Variants in CSMD1 observed in about 807,000 individuals in gnomAD.
The protein encoded by CSMD1 is CUB and sushi domain-containing protein 1.
In CSMD1, 213 loss-of-function variants were observed where a neutral mutation model predicts 417.5. The ratio of observed to expected loss-of-function variants is 0.51; its 90% CI spans 0.46 to 0.57. The LOEUF (loss-of-function observed/expected upper bound fraction) is 0.57, where lower values mean the gene tolerates loss of function less well. CSMD1 is among the 20% of genes least tolerant of loss of function. The probability of loss-of-function intolerance (pLI) is 0.00; values close to 1 mark genes in which losing one functional copy is unlikely to be tolerated. For synonymous variants in CSMD1, 2,862 were observed against 1,736.8 expected (o/e 1.65, Z -16.11); for missense variants, 6,923 against 4,529.7 (o/e 1.53, Z -15.17).
chr8:3,158,797 A>G (rs1819699560), intron 38 of CSMD1, among the ~76,000 whole-genome samples: 1 of 152,064 alleles, frequency 6.6e-6, no homozygotes, highest in South Asian at 2.1e-4. Flanking sequence ...AGGTTTGCTT[A>G]TCTCATAAAT....
At chr8:4,867,603 T>C (rs563048055) in intron 1 of CSMD1, among the ~76,000 whole-genome samples, 1 of 152,098 alleles carries the variant, frequency 6.6e-6, no homozygotes, top group African/African-American at 2.4e-5. Context: ...GCTGTATTTT[T>C]GTATCACCTT....
At chr8:4,906,573 T>G (rs4875402) in intron 1 of CSMD1, among the ~76,000 whole-genome samples, 146,472 of 151,714 alleles carry the variant, frequency 0.97, 70,825 homozygotes, top group Non-Finnish European at 0.99. Context: ...ACATTTTGAG[T>G]TGCTTTTTTT....
At chr8:3,894,074 A>G (rs1807180221) in intron 5 of CSMD1, among the ~76,000 whole-genome samples, 1 of 152,162 alleles carries the variant, frequency 6.6e-6, no homozygotes, top group Non-Finnish European at 1.5e-5. Flanking sequence ...ACAAGCAGCA[A>G]GCCGTTAATT....
intron 12 of CSMD1, among the ~76,000 whole-genome samples, chr8:3,454,855 G>C (rs1816002270): frequency 6.6e-6 from 1 of 152,082 alleles, no homozygotes; most frequent in Non-Finnish European, 1.5e-5. Context: ...TTGAATGTTG[G>C]CCTGCCTGGC....
At chr8:4,949,795 G>A (rs994892274) in intron 1 of CSMD1, among the ~76,000 whole-genome samples, 4 of 152,106 alleles carry the variant, frequency 2.6e-5, no homozygotes, top group Non-Finnish European at 4.4e-5. Context: ...TCCTAAACAT[G>A]TACTCGAAGC....
At chr8:3,845,590 A>T (rs34329025) in intron 5 of CSMD1, among the ~76,000 whole-genome samples, 44,147 of 152,004 alleles carry the variant, frequency 0.29, 6,523 homozygotes, top group Non-Finnish European at 0.32. Flanking sequence ...AGGACATCTC[A>T]GTACACTACT....
chr8:4,242,458 G>A (rs1349305141), intron 3 of CSMD1, among the ~76,000 whole-genome samples: 1 of 152,212 alleles, frequency 6.6e-6, no homozygotes, highest in Non-Finnish European at 1.5e-5. Flanking sequence ...TAGGACTATT[G>A]TTGTGAGCAT....
At chr8:3,789,313 C>T (rs931674965) in intron 5 of CSMD1, among the ~76,000 whole-genome samples, 1 of 151,594 alleles carries the variant, frequency 6.6e-6, no homozygotes, top group Non-Finnish European at 1.5e-5. Flanking sequence ...TTTATTGTGA[C>T]AGCCCCAACA....
chr8:3,153,288 G>A (rs942564067), intron 39 of CSMD1, among the ~76,000 whole-genome samples: 4 of 152,178 alleles, frequency 2.6e-5, no homozygotes, highest in African/African-American at 7.2e-5. Context: ...ATAACCCACC[G>A]CTTGTTTAGC....
At chr8:4,057,944 G>A (rs1010126672) in intron 3 of CSMD1, among the ~76,000 whole-genome samples, 1 of 150,936 alleles carries the variant, frequency 6.6e-6, no homozygotes, top group Non-Finnish European at 1.5e-5. Flanking sequence ...TAGCCTTGTA[G>A]CATAGTTTGA....
chr8:4,361,904 G>A (rs7814674), intron 3 of CSMD1, among the ~76,000 whole-genome samples: 6,406 of 152,068 alleles, frequency 0.042, 325 homozygotes, highest in African/African-American at 0.12. Flanking sequence ...GCAGTGAGGC[G>A]AGTTCACTCC....
At chr8:3,007,731 T>C (rs186548288) in intron 52 of CSMD1, among the ~76,000 whole-genome samples, 1 of 132,834 alleles carries the variant, frequency 7.5e-6, no homozygotes, top group South Asian at 2.4e-4. Context: ...TGAGATCACA[T>C]GGACACAGGA....
chr8:4,177,895 C>G (rs954078298), intron 3 of CSMD1, among the ~76,000 whole-genome samples: 3 of 151,846 alleles, frequency 2.0e-5, no homozygotes, highest in African/African-American at 7.3e-5. Flanking sequence ...AGTTAAATCT[C>G]TGAATAGACC....
In CSMD1 at chr8:3,230,104, G is replaced by T; in HGVS notation, c.4281C>A (p.Ala1427=). 1.2e-6 allele frequency: 2 copies of T among 1,613,558 alleles called. No individual in the cohort carries two copies. Among genetic ancestry groups the T allele is most frequent in the Non-Finnish European group, 1.7e-6 (2 of 1,179,682 alleles). Residue 1427 remains alanine, a synonymous_variant, in exon 27 of 70, where the codon GCC becomes GCA. Coordinates refer to ENST00000635120, the MANE Select transcript of CSMD1 (RefSeq NM_033225.6). ...CDPGYQLQGQ[A]KITCVQLNNR... The stretch of plus-strand genomic sequence containing the variant: ...TATTCAGCTGCACACAGGTGATTTT[G>T]GCTTGTCCTTGGAGCTGATAGCCAG...
At chr8:3,410,876 G>A (rs73657841) in intron 12 of CSMD1, among the ~76,000 whole-genome samples, 1,932 of 152,214 alleles carry the variant, frequency 0.013, 44 homozygotes, top group African/African-American at 0.044. Context: ...AAATTAATGT[G>A]ATTTGATGAT....
chr8:4,782,683 G>C (rs190355969), intron 1 of CSMD1, among the ~76,000 whole-genome samples: 2 of 151,972 alleles, frequency 1.3e-5, no homozygotes, highest in African/African-American at 2.4e-5. Context: ...TCATACTTCT[G>C]CAGATGAGTA....
At chr8:3,434,368 G>C (rs1417517560) in intron 12 of CSMD1, among the ~76,000 whole-genome samples, 1 of 152,108 alleles carries the variant, frequency 6.6e-6, no homozygotes, top group Non-Finnish European at 1.5e-5. Context: ...GTGATTTTAT[G>C]ACTTTTCCAT....
chr8:3,701,830 T>C (rs1448577308), intron 7 of CSMD1, among the ~76,000 whole-genome samples: 1 of 152,186 alleles, frequency 6.6e-6, no homozygotes, highest in Non-Finnish European at 1.5e-5. Flanking sequence ...CCCTTCCAAA[T>C]TATGCCTGAG....
At chr8:3,653,673 C>T (rs1449552802) in intron 7 of CSMD1, among the ~76,000 whole-genome samples, 3 of 152,164 alleles carry the variant, frequency 2.0e-5, no homozygotes, top group Non-Finnish European at 1.5e-5. Flanking sequence ...CAGCTTTTTA[C>T]AGCCCAAGTC....
Sources: allele counts gnomAD v4.1 joint callset (sites outside exome capture counted in the v4.1 genomes callset), GRCh38; gene constraint gnomAD v4.1.1; transcripts MANE v1.5; gene names NCBI Gene and HGNC (gene_info 2026-07-23, HGNC 2026-07-21).